TAS1R1: variants seen among roughly 807,000 people sequenced by gnomAD.
The protein encoded by TAS1R1 is taste 1 receptor member 1.
TAS1R1 carries 31 observed loss-of-function variants against 45.8 expected under a neutral mutation model. The ratio of observed to expected loss-of-function variants is 0.68; its 90% CI spans 0.51 to 0.91. The LOEUF (loss-of-function observed/expected upper bound fraction) is 0.91, where lower values mean the gene tolerates loss of function less well. Among genes scored for constraint, TAS1R1 ranks in the 40% least tolerant of loss-of-function variants. The pLI is 0.00. For missense variants in TAS1R1, 1,051 were observed against 1,063.9 expected (o/e 0.99, Z 0.17); for synonymous variants, 437 against 448.4 (o/e 0.97, Z 0.32).
chr1:6,562,417 C>T (rs1318775226), intron 1 of TAS1R1, among the ~76,000 whole-genome samples: 9 of 152,190 alleles, frequency 5.9e-5, no homozygotes, highest in Non-Finnish European at 1.0e-4. Flanking sequence ...ATCCACTCGC[C>T]TCGGCCTCCC....
chr1:6,573,961 C>A (rs1302113198), intron 2 of TAS1R1, among the ~76,000 whole-genome samples: 2 of 152,078 alleles, frequency 1.3e-5, no homozygotes, highest in African/African-American at 4.8e-5. Context: ...CTGCACCCGG[C>A]CATAATGTAT....
At position 6,574,230 on chromosome 1, in the gene TAS1R1, C is replaced by T. The variant is rs936040296; in HGVS notation, c.499-401C>T. Among the ~76,000 whole-genome samples, 1 of 152,196 alleles carries T rather than the reference C, an allele frequency of 6.6e-6. No homozygotes were observed. Among genetic ancestry groups the T allele is most frequent in the East Asian group, 1.9e-4 (1 of 5,186 alleles). ...GCAGCTGTAAATACAGATGAAGCTT[C>T]GCTTACTCACCAGCTGCTCACCTCC... On this transcript the variant is annotated intron_variant, in intron 2 of 5. Coordinates refer to ENST00000333172, the MANE Select transcript of TAS1R1 (RefSeq NM_138697.4). This position sits in a 1 kb window ranked among gnomAD's most constrained non-coding sequence, Gnocchi z 4.3.
intron 5 of TAS1R1, among the ~76,000 whole-genome samples, chr1:6,577,721 G>T (rs1043933059): frequency 3.9e-5 from 6 of 152,020 alleles, no homozygotes; most frequent in African/African-American, 7.3e-5. Flanking sequence ...CCAGCTACTC[G>T]GGAGGCTGAG....
intron 1 of TAS1R1, among the ~76,000 whole-genome samples, chr1:6,555,866 C>CTTTTTTT (rs770363613): frequency 0.061 from 5,782 of 94,650 alleles, 970 homozygotes; most frequent in African/African-American, 0.072. Context: ...TTTCCCTCTT[C>CTTTTTTT]TTTTTTTTTT....
chr1:6,559,294 T>G (rs112429605), intron 1 of TAS1R1, among the ~76,000 whole-genome samples: 24,235 of 151,656 alleles, frequency 0.16, 2,376 homozygotes, highest in African/African-American at 0.28. Context: ...CCTCCCAAAG[T>G]GCTGGGATTA....
At chr1:6,576,152 G>C (rs1456033252) in intron 3 of TAS1R1, among the ~76,000 whole-genome samples, 2 of 152,174 alleles carry the variant, frequency 1.3e-5, no homozygotes, top group Non-Finnish European at 2.9e-5. Flanking sequence ...TCTGATCCTT[G>C]CCTTCTCTCA....
At position 6,571,023 on chromosome 1, in the gene TAS1R1, G is replaced by C; in HGVS notation, c.306G>C (p.Leu102=). ...LLPNITLGYQ[L]YDVCSDSANV... The stretch of plus-strand genomic sequence containing the variant: ...CCAACATCACCCTGGGGTACCAGCT[G>C]TATGATGTGTGTTCTGACTCTGCCA... Residue 102 remains leucine, a synonymous_variant, in exon 2 of 6, where the codon CTG becomes CTC. Coordinates refer to ENST00000333172, the MANE Select transcript of TAS1R1 (RefSeq NM_138697.4). 1 of 1,614,202 alleles carries C rather than the reference G, an allele frequency of 6.2e-7. No homozygotes were observed. Among genetic ancestry groups the C allele is most frequent in the South Asian group, 1.1e-5 (1 of 91,086 alleles).
intron 2 of TAS1R1, among the ~76,000 whole-genome samples, chr1:6,572,132 C>G (rs1640033665): frequency 1.3e-5 from 2 of 152,140 alleles, no homozygotes; most frequent in Admixed American, 6.5e-5. Context: ...GAGTTTCCTG[C>G]TGGCCTCTCC....
chr1:6,565,053 G>T (rs186595807), intron 1 of TAS1R1, among the ~76,000 whole-genome samples: 4 of 152,262 alleles, frequency 2.6e-5, no homozygotes, highest in African/African-American at 9.6e-5. Flanking sequence ...GCACCGATAT[G>T]GAAGGATTAG....
In TAS1R1 at chr1:6,577,014, A is replaced by G. The variant is rs1640198479; in HGVS notation, c.1538A>G (p.His513Arg). 1 of 1,614,234 alleles carries G rather than the reference A, an allele frequency of 6.2e-7. No individual in the cohort carries two copies. The highest frequency in any genetic ancestry group is 2.2e-5 in the East Asian group (1 of 44,886). ...CACCAGCGAGTGGTTACGGGTTTCC[A>G]TCACTGCTGCTTTGAGTGTGTGCCC... ...EGHQRVVTGF[H>R]HCCFECVPCG... The change falls in exon 5 of 6, where the codon CAT (histidine) becomes CGT (arginine). Residue 513 changes from histidine (H) to arginine (R), a missense_variant. By Grantham distance (29) the His-to-Arg change is conservative (BLOSUM62 0). Coordinates refer to ENST00000333172, the MANE Select transcript of TAS1R1 (RefSeq NM_138697.4).
At chr1:6,557,217 T>G (rs1639702253) in intron 1 of TAS1R1, among the ~76,000 whole-genome samples, 1 of 150,048 alleles carries the variant, frequency 6.7e-6, no homozygotes, top group Non-Finnish European at 1.5e-5. Flanking sequence ...GATAAAGAGA[T>G]AAAGAGAATG....
Position 6,579,270 on chromosome 1 carries a change from C to A in TAS1R1, c.2212C>A (p.Leu738Ile), listed in dbSNP as rs767689814. 3 of 1,614,256 alleles carry A rather than the reference C, an allele frequency of 1.9e-6. No homozygotes were observed. The East Asian group carries it at 6.7e-5, about 36-fold the overall frequency. The change falls in exon 6 of 6, where the codon CTC (leucine) becomes ATC (isoleucine). Residue 738 changes from leucine (L) to isoleucine (I), a missense_variant. By Grantham distance (5) the Leu-to-Ile change is conservative. Transcript: ENST00000333172. ...FILAFLYNGL[L>I]SISAFACSYL... is the part of the protein sequence containing the mutation. ...ACTGGCCTTCCTCTACAATGGCCTC[C>A]TCTCCATCAGTGCCTTTGCCTGCAG...
At chr1:6,561,732 C>A (rs1343931624) in intron 1 of TAS1R1, among the ~76,000 whole-genome samples, 1 of 141,352 alleles carries the variant, frequency 7.1e-6, no homozygotes, top group Non-Finnish European at 1.5e-5. Flanking sequence ...AAAAAAAAGT[C>A]TATTTGGGAT....
At position 6,579,394 on chromosome 1, in the gene TAS1R1, C is replaced by A. The variant is rs781268856; in HGVS notation, c.2336C>A (p.Thr779Lys). ...NFVSWIAFFT[T>K]ASVYDGKYLP... is the part of the protein sequence containing the mutation. Reference sequence around the variant, plus strand: ...GTGTCCTGGATCGCCTTCTTCACCACGGCCAGCGTCTACGACGGCAAGTAC... The same window carrying A: ...GTGTCCTGGATCGCCTTCTTCACCAAGGCCAGCGTCTACGACGGCAAGTAC... The change falls in exon 6 of 6, where the codon ACG (threonine) becomes AAG (lysine). Residue 779 changes from threonine (T) to lysine (K), a missense_variant. Thr to Lys is a moderately conservative substitution (Grantham distance 78). Transcript: ENST00000333172. The A allele has an allele frequency of 6.2e-7, 1 of 1,613,910 alleles. No individual in the cohort carries two copies. The highest frequency in any genetic ancestry group is 8.5e-7 in the Non-Finnish European group (1 of 1,180,052).
At position 6,574,542 on chromosome 1, in the gene TAS1R1, G is replaced by A. The variant is rs1438911251; in HGVS notation, c.499-89G>A. ...TGAGGGGTGCTCTCCTGGTCTCCCCGGCTCCCTGTATCCCCACACCCAGCA... is the reference window on the plus strand; with the variant it reads ...TGAGGGGTGCTCTCCTGGTCTCCCCAGCTCCCTGTATCCCCACACCCAGCA... On this transcript the variant is annotated intron_variant, in intron 2 of 5. Transcript: ENST00000333172. The surrounding 1 kb of genome is among the most constrained non-coding windows in gnomAD (Gnocchi z 4.3). The A allele has an allele frequency of 2.1e-5, 31 of 1,474,058 alleles. No homozygotes were observed. Among genetic ancestry groups the A allele is most frequent in the East Asian group, 1.9e-4 (8 of 43,074 alleles). The allele number at this position is 1,474,058 out of a possible 1,614,324, so 91.3% of individuals were successfully genotyped here.
chr1:6,574,268 C>A lies in TAS1R1; in HGVS notation c.499-363C>A, dbSNP rs140872460. Among the ~76,000 whole-genome samples the A allele has an allele frequency of 7.9e-5, 12 of 152,326 alleles. No homozygotes were observed. The East Asian group carries it at 2.3e-3, about 29-fold the overall frequency. On this transcript the variant is annotated intron_variant, in intron 2 of 5. Transcript: ENST00000333172. This position sits in a 1 kb window ranked among gnomAD's most constrained non-coding sequence, Gnocchi z 4.3. ...GCTGCTCACCTCCTCCTGTGAGGCC[C>A]GGTTCCTAACAGGCCACTGACCTAA...
At chr1:6,567,074 C>T (rs967078550) in intron 1 of TAS1R1, among the ~76,000 whole-genome samples, 3 of 152,082 alleles carry the variant, frequency 2.0e-5, no homozygotes, top group Admixed American at 1.3e-4. Flanking sequence ...TGATACAAGC[C>T]TTGAATTTGG....
intron 1 of TAS1R1, among the ~76,000 whole-genome samples, chr1:6,556,988 G>A (rs1261960595): frequency 1.0e-4 from 14 of 135,662 alleles, no homozygotes; most frequent in African/African-American, 2.5e-4. Flanking sequence ...CAACCCGGGC[G>A]ACAGAGCGAG....
At chr1:6,563,439 C>T (rs4908563) in intron 1 of TAS1R1, among the ~76,000 whole-genome samples, 69,704 of 152,092 alleles carry the variant, frequency 0.46, 18,574 homozygotes, top group Admixed American at 0.61. Context: ...TACTATGCGC[C>T]GTGTCAGAGT....
Sources: gnomAD v4.1 joint callset for allele counts (sites outside exome capture counted in the v4.1 genomes callset) on GRCh38, gnomAD v4.1.1 for gene constraint, Gnocchi (gnomAD v3.1) non-coding constraint, MANE v1.5 for transcripts, NCBI Gene and HGNC (gene_info 2026-07-23, HGNC 2026-07-21) for gene names.